ZBTB16: variants seen among roughly 807,000 people sequenced by gnomAD.
ZBTB16 encodes zinc finger and BTB domain-containing protein 16.
ZBTB16 carries 8 observed loss-of-function variants against 56.8 expected under a neutral mutation model. The observed-to-expected ratio is 0.14, with a 90% CI of 0.08 to 0.25. The LOEUF (loss-of-function observed/expected upper bound fraction) is 0.25, where lower values mean the gene tolerates loss of function less well. Ranked by LOEUF, ZBTB16 falls within the 10% of genes least tolerant of loss-of-function variation. The pLI is 1.00. For missense variants in ZBTB16, 625 were observed against 903.0 expected (o/e 0.69, Z 3.95); for synonymous variants, 363 against 368.5 (o/e 0.98, Z 0.17).
chr11:114,149,380 C>T (rs912268067), intron 2 of ZBTB16, among the ~76,000 whole-genome samples: 15 of 152,096 alleles, frequency 9.9e-5, no homozygotes, highest in Admixed American at 1.3e-4. Flanking sequence ...TCCCTTTAAA[C>T]GGTTCCAAAA....
chr11:114,229,318 G>A (rs1040572053), intron 4 of ZBTB16, among the ~76,000 whole-genome samples: 4 of 152,170 alleles, frequency 2.6e-5, no homozygotes, highest in African/African-American at 9.7e-5. Context: ...AGCCACGCTG[G>A]CTGGCTTGTC....
Position 114,253,136 on chromosome 11 carries a change from G to C in ZBTB16, c.*2581G>C, listed in dbSNP as rs1944945227. Among the ~76,000 whole-genome samples the C allele has an allele frequency of 6.6e-6, 1 of 152,108 alleles. No individual in the cohort carries two copies. Among genetic ancestry groups the C allele is most frequent in the Non-Finnish European group, 1.5e-5 (1 of 68,030 alleles). ...GGACTGGCTGGCCCTCAGGGGATCTGTAAATCCCAGAAAACAGTATTTTTA... is the reference window on the plus strand; with the variant it reads ...GGACTGGCTGGCCCTCAGGGGATCTCTAAATCCCAGAAAACAGTATTTTTA... On this transcript the variant is annotated 3_prime_UTR_variant, in exon 7 of 7. Coordinates refer to ENST00000335953, the MANE Select transcript of ZBTB16 (RefSeq NM_006006.6).
chr11:114,085,762 G>A (rs1939937557), intron 2 of ZBTB16, among the ~76,000 whole-genome samples: 1 of 152,154 alleles, frequency 6.6e-6, no homozygotes, highest in African/African-American at 2.4e-5. Context: ...TGTATACAAG[G>A]TAGTGTGCTG....
intron 2 of ZBTB16, among the ~76,000 whole-genome samples, chr11:114,138,675 A>C (rs1242553344): frequency 1.4e-5 from 2 of 146,212 alleles, no homozygotes; most frequent in African/African-American, 2.5e-5. Flanking sequence ...CCTCTTTTTT[A>C]ATTTTTTTTT....
chr11:114,242,222 C>A lies in ZBTB16; in HGVS notation c.1509C>A (p.Ser503Arg), dbSNP rs752951049. The change falls in exon 5 of 7, where the codon AGC becomes AGA. Residue 503 changes from serine to arginine, a missense_variant. Ser to Arg is a moderately radical substitution (Grantham distance 110). Around this residue, in one of 6 missense-constraint regions of ZBTB16, gnomAD observed 140 missense variants for 214.8 expected, o/e 0.65. Transcript: ENST00000335953. ...LLCGKRFQAQ[S>R]ALQQHMEVHA... is the part of the protein sequence containing the mutation. ...GTGGGAAGCGCTTCCAGGCGCAGAG[C>A]GCACTGCAGCAGCACATGGAGGTCC... The A allele has an allele frequency of 6.2e-7, 1 of 1,613,922 alleles. No individual in the cohort carries two copies. Among genetic ancestry groups the A allele is most frequent in the South Asian group, 1.1e-5 (1 of 91,088 alleles).
At chr11:114,241,060 C>T (rs555507514) in intron 4 of ZBTB16, among the ~76,000 whole-genome samples, 2 of 152,252 alleles carry the variant, frequency 1.3e-5, no homozygotes, top group Non-Finnish European at 2.9e-5. Context: ...TTCCGGATTC[C>T]GCCATTCACC....
At chr11:114,068,122 A>T (rs2137665043) in intron 2 of ZBTB16, among the ~76,000 whole-genome samples, 1 of 150,894 alleles carries the variant, frequency 6.6e-6, no homozygotes, top group Non-Finnish European at 1.5e-5. Flanking sequence ...CATTCACTGG[A>T]AATATATCAG....
chr11:114,249,788 AAG>A (rs1944886215), intron 6 of ZBTB16, among the ~76,000 whole-genome samples: 2 of 148,594 alleles, frequency 1.3e-5, no homozygotes, highest in Admixed American at 6.7e-5. Flanking sequence ...AAAAAAAAAA[AAG>A]AGAGCTTTAG....
At chr11:114,111,845 T>G (rs975385391) in intron 2 of ZBTB16, among the ~76,000 whole-genome samples, 1 of 152,248 alleles carries the variant, frequency 6.6e-6, no homozygotes, top group African/African-American at 2.4e-5. Flanking sequence ...GCCAGAATGC[T>G]GAATTTATTT....
At chr11:114,144,475 T>G (rs1478108939) in intron 2 of ZBTB16, among the ~76,000 whole-genome samples, 1 of 152,212 alleles carries the variant, frequency 6.6e-6, no homozygotes, top group Non-Finnish European at 1.5e-5. Flanking sequence ...GTTTGTTCTT[T>G]GCAAGGAGTC....
At chr11:114,237,475 C>T (rs1944615676) in intron 4 of ZBTB16, 1 of 152,260 alleles carries the variant, frequency 6.6e-6, no homozygotes, top group Non-Finnish European at 1.5e-5. Flanking sequence ...GGCCTGACGT[C>T]TCTCCATAGC....
At position 114,064,521 on chromosome 11, in the gene ZBTB16, C is replaced by T. The variant is rs757908338; in HGVS notation, c.1221C>T (p.Ser407=). ...GCCGGACCATCGGAGAGCAGTGCAG[C>T]GTGTGTGGGGTCGAGCTTCCTGATA... ...SESRTIGEQC[S]VCGVELPDNE... is the part of the protein sequence containing the mutation. The change falls in exon 2 of 7, where the codon AGC becomes AGT. Residue 407 remains serine, a synonymous_variant. Coordinates refer to ENST00000335953, the MANE Select transcript of ZBTB16 (RefSeq NM_006006.6). This position sits in a 1 kb window ranked among gnomAD's most constrained non-coding sequence, Gnocchi z 4.2. 40 of 1,613,922 alleles carry T rather than the reference C, an allele frequency of 2.5e-5. No individual in the cohort carries two copies. Among genetic ancestry groups the T allele is most frequent in the Admixed American group, 5.0e-5 (3 of 60,002 alleles).
intron 3 of ZBTB16, among the ~76,000 whole-genome samples, chr11:114,158,291 C>T (rs941819698): frequency 1.3e-5 from 2 of 152,156 alleles, no homozygotes; most frequent in African/African-American, 2.4e-5. Context: ...CCGCAGTAAG[C>T]GTCCTTTCTT....
chr11:114,174,784 G>C (rs188304927), intron 3 of ZBTB16, among the ~76,000 whole-genome samples: 17 of 152,330 alleles, frequency 1.1e-4, no homozygotes, highest in Admixed American at 7.8e-4. Flanking sequence ...GCTGTAAGCT[G>C]TACAAGCCCT....
chr11:114,162,227 C>T (rs1209504185), intron 3 of ZBTB16, among the ~76,000 whole-genome samples: 1 of 152,176 alleles, frequency 6.6e-6, no homozygotes, highest in African/African-American at 2.4e-5. Flanking sequence ...TCCTCTGTCG[C>T]GGTTGGACGG....
At chr11:114,129,635 G>A (rs17116453) in intron 2 of ZBTB16, among the ~76,000 whole-genome samples, 13,426 of 152,116 alleles carry the variant, frequency 0.088, 805 homozygotes, top group East Asian at 0.15. Flanking sequence ...ATATTCTACT[G>A]ACTGGCATGC....
chr11:114,073,705 C>T (rs1164281720), intron 2 of ZBTB16, among the ~76,000 whole-genome samples: 1 of 152,172 alleles, frequency 6.6e-6, no homozygotes, highest in Non-Finnish European at 1.5e-5. Context: ...GAAAGGACTT[C>T]CTGAGACACT....
intron 4 of ZBTB16, among the ~76,000 whole-genome samples, chr11:114,194,783 G>A (rs1157275204): frequency 6.6e-6 from 1 of 152,162 alleles, no homozygotes; most frequent in Admixed American, 6.5e-5. Context: ...TTCTATATCA[G>A]GAATGTCTTA....
At chr11:114,178,883 G>A (rs1943181786) in intron 3 of ZBTB16, among the ~76,000 whole-genome samples, 1 of 152,188 alleles carries the variant, frequency 6.6e-6, no homozygotes, top group Admixed American at 6.5e-5. Flanking sequence ...CATTTGCCAG[G>A]TCACTGGTGG....
Sources: gnomAD v4.1 joint callset for allele counts (sites outside exome capture counted in the v4.1 genomes callset) on GRCh38, gnomAD v4.1.1 for gene constraint, gnomAD v4.1.1 regional missense constraint, Gnocchi (gnomAD v3.1) non-coding constraint, MANE v1.5 for transcripts, NCBI Gene and HGNC (gene_info 2026-07-23, HGNC 2026-07-21) for gene names.